LOXHD1: variants seen among roughly 807,000 people sequenced by gnomAD.
LOXHD1 encodes the protein lipoxygenase homology domain-containing protein 1.
Under a neutral mutation model 248.2 loss-of-function variants are expected in LOXHD1, and 205 were observed. The ratio of observed to expected loss-of-function variants is 0.83; its 90% confidence interval spans 0.74 to 0.93. The LOEUF (loss-of-function observed/expected upper bound fraction) is 0.93, where lower values mean the gene tolerates loss of function less well. LOXHD1 is among the 40% of genes least tolerant of loss of function. LOXHD1 has a pLI of 0.00. For missense variants in LOXHD1, 2,930 were observed against 2,971.6 expected (o/e 0.99, Z 0.33); for synonymous variants, 1,113 against 1,162.8 (o/e 0.96, Z 0.87).
At chr18:46,477,048 T>G (rs74421427), downstream of LOXHD1, 36,562 of 657,744 alleles carry the variant, frequency 0.056, 1,253 homozygotes, top group Non-Finnish European at 0.072. Flanking sequence ...ATGAGTTCTT[T>G]ATAGGATATG....
chr18:46,572,583 G>A (rs2037773688), intron 14 of LOXHD1, among the ~76,000 whole-genome samples: 3 of 152,204 alleles, frequency 2.0e-5, no homozygotes, highest in Admixed American at 6.5e-5. Context: ...CAGGTCACAT[G>A]ATATAGGGCC....
intron 2 of LOXHD1, among the ~76,000 whole-genome samples, chr18:46,646,596 C>A (rs147267639): frequency 3.3e-5 from 5 of 152,186 alleles, no homozygotes; most frequent in Admixed American, 1.3e-4. Flanking sequence ...GCCTTCCAGA[C>A]CTTTCTGACT....
At chr18:46,522,943 C>CT (rs748254441) in intron 31 of LOXHD1, among the ~76,000 whole-genome samples, 135 of 145,226 alleles carry the variant, frequency 9.3e-4, no homozygotes, top group Middle Eastern at 3.4e-3. Flanking sequence ...CTGGGGAAAT[C>CT]TTTTTTTTTT....
chr18:46,502,309 C>T lies in LOXHD1; in HGVS notation c.5878+3529G>A, dbSNP rs551893764. On this transcript the variant is annotated intron_variant, in intron 37 of 40. Coordinates refer to ENST00000642948, the MANE Select transcript of LOXHD1 (RefSeq NM_001384474.1). Reference sequence around the variant, plus strand: ...TGAAAGGACTCTGGAAGGTTCATCCCGAGAAACAGGCTGAGACAGAAGGTA... The same window carrying T: ...TGAAAGGACTCTGGAAGGTTCATCCTGAGAAACAGGCTGAGACAGAAGGTA... Among the ~76,000 whole-genome samples, 11 of 152,178 alleles carry T rather than the reference C, an allele frequency of 7.2e-5. No individual in the cohort carries two copies. In the South Asian group the frequency reaches 1.9e-3, roughly 26 times the overall value.
intron 20 of LOXHD1, chr18:46,559,061 A>T: frequency 1.0e-6 from 1 of 1,002,616 alleles, no homozygotes; most frequent in Non-Finnish European, 1.4e-6. Flanking sequence ...TTATATGTCT[A>T]CACCATACTC....
In LOXHD1 at chr18:46,560,210, C is replaced by CTCCTCCTCT. The variant is rs765944082; in HGVS notation, c.2925_2933dup (p.Glu976_Glu978dup). On this transcript the variant is annotated inframe_insertion, in exon 19 of 41. Transcript: ENST00000642948. ...TCACCTCCTGCATCCCCGGCCCAAA[C>CTCCTCCTCT]TCCTCCTCTTCCTCCTCTTCTTCCA... The CTCCTCCTCT allele has an allele frequency of 1.3e-6, 2 of 1,551,784 alleles. No homozygotes were observed. The highest frequency in any genetic ancestry group is 2.7e-5 in the African/African-American group (2 of 73,062).
At chr18:46,648,465 T>C (rs1178453079) in intron 2 of LOXHD1, among the ~76,000 whole-genome samples, 2 of 152,196 alleles carry the variant, frequency 1.3e-5, no homozygotes, top group African/African-American at 2.4e-5. Context: ...TCTGTTCCAT[T>C]CAGCACAGTT....
intron 2 of LOXHD1, among the ~76,000 whole-genome samples, chr18:46,646,533 C>T (rs982639595): frequency 2.0e-5 from 3 of 152,162 alleles, no homozygotes; most frequent in African/African-American, 4.8e-5. Context: ...TCTGTTGATA[C>T]GGTAAGTTGA....
chr18:46,545,627 C>CTTTTTTTTTTTTTTTTTTT lies in LOXHD1; in HGVS notation c.3515-225_3515-207dup, dbSNP rs56323729. Among the ~76,000 whole-genome samples the CTTTTTTTTTTTTTTTTTTT allele has an allele frequency of 1.8e-4, 17 of 92,242 alleles. 2 individuals carry two copies. The highest frequency in any genetic ancestry group is 7.8e-4 in the African/African-American group (16 of 20,508). The allele number at this position is 92,242 out of a possible 152,430, so 60.5% of individuals were successfully genotyped here. A position where few individuals can be genotyped will look rare whatever the true frequency, so the allele number is the denominator to read the frequency against. On this transcript the variant is annotated intron_variant, in intron 22 of 40. Coordinates refer to ENST00000642948, the MANE Select transcript of LOXHD1 (RefSeq NM_001384474.1). ...GTTTCTATGTTCCTCTTGGCCATTT[C>CTTTTTTTTTTTTTTTTTTT]TTTTTTTTTTTTTTTTTTTTGAGAC...
chr18:46,511,300 A>G (rs4890666), intron 34 of LOXHD1, among the ~76,000 whole-genome samples: 82,129 of 151,984 alleles, frequency 0.54, 23,547 homozygotes, highest in East Asian at 0.65. Context: ...CAGGTGCCCC[A>G]GACCCCCTCC....
At chr18:46,578,852 G>A (rs888044288) in intron 13 of LOXHD1, among the ~76,000 whole-genome samples, 15 of 152,216 alleles carry the variant, frequency 9.9e-5, no homozygotes, top group African/African-American at 3.4e-4. Flanking sequence ...ACCACAGGTA[G>A]GCATCCTTTC....
At chr18:46,483,809 C>T (rs768647345) in intron 39 of LOXHD1, 64 bp from the exon 40 acceptor site, 131 of 1,508,888 alleles carry the variant, frequency 8.7e-5, no homozygotes, top group Non-Finnish European at 1.1e-4. Context: ...AAGCATTTGT[C>T]GGGGGCCTGC....
intron 32 of LOXHD1, 146 bp from the exon 33 acceptor site, chr18:46,521,428 G>T: frequency 1.1e-6 from 1 of 909,910 alleles, no homozygotes; most frequent in Non-Finnish European, 1.7e-6. Flanking sequence ...AAGAGATTTT[G>T]CAGATATAAT....
chr18:46,590,470 T>C (rs2038146097), intron 12 of LOXHD1, among the ~76,000 whole-genome samples: 1 of 152,114 alleles, frequency 6.6e-6, no homozygotes, highest in South Asian at 2.1e-4. Flanking sequence ...GCCCAAGACT[T>C]CTCCCCAGTT....
At chr18:46,488,663 C>T (rs565815454) in intron 38 of LOXHD1, among the ~76,000 whole-genome samples, 11 of 152,254 alleles carry the variant, frequency 7.2e-5, no homozygotes, top group African/African-American at 2.2e-4. Flanking sequence ...GGATGATGTC[C>T]ATGTTATAAA....
chr18:46,592,180 A>C (rs1171510801), intron 11 of LOXHD1, 112 bp from the exon 12 acceptor site: 1 of 1,386,302 alleles, frequency 7.2e-7, no homozygotes, highest in East Asian at 2.5e-5. Flanking sequence ...TTTCCTGGAG[A>C]TAATCCTTAT....
intron 4 of LOXHD1, among the ~76,000 whole-genome samples, chr18:46,624,183 C>G (rs923893927): frequency 3.3e-5 from 5 of 152,220 alleles, no homozygotes; most frequent in African/African-American, 1.2e-4. Flanking sequence ...TGATTTTACC[C>G]CACCCGCAAG....
intron 37 of LOXHD1, among the ~76,000 whole-genome samples, chr18:46,504,193 A>G (rs1440559600): frequency 6.6e-6 from 1 of 152,128 alleles, no homozygotes; most frequent in Non-Finnish European, 1.5e-5. Context: ...AGCTCACTGC[A>G]GCCTTGACCT....
intron 6 of LOXHD1, among the ~76,000 whole-genome samples, chr18:46,604,870 C>T (rs2038389294): frequency 6.6e-6 from 1 of 152,176 alleles, no homozygotes; most frequent in Non-Finnish European, 1.5e-5. Context: ...TGAAAACTCG[C>T]TCTAGGATAA....
Sources: gnomAD v4.1 joint callset for allele counts (sites outside exome capture counted in the v4.1 genomes callset) on GRCh38, gnomAD v4.1.1 for gene constraint, MANE v1.5 for transcripts, NCBI Gene and HGNC (gene_info 2026-07-23, HGNC 2026-07-21) for gene names.